Variants in KCNIP4 observed in about 807,000 individuals in gnomAD.
KCNIP4 encodes Kv channel-interacting protein 4.
In KCNIP4, 12 loss-of-function variants were observed where a neutral mutation model predicts 34.0. That is an observed-to-expected ratio of 0.35 (90% CI 0.23 to 0.57). The LOEUF is 0.57. Among genes scored for constraint, KCNIP4 ranks in the 20% least tolerant of loss-of-function variants. The probability of loss-of-function intolerance (pLI) is 0.83; values close to 1 mark genes in which losing one functional copy is unlikely to be tolerated. For synonymous variants in KCNIP4, 124 were observed against 102.2 expected (o/e 1.21, Z -1.29); for missense variants, 238 against 311.7 (o/e 0.76, Z 1.78).
intron 1 of KCNIP4, among the ~76,000 whole-genome samples, chr4:21,840,737 C>T (rs1159251844): frequency 6.6e-6 from 1 of 152,148 alleles, no homozygotes; most frequent in Non-Finnish European, 1.5e-5. Context: ...GAAACAAGCA[C>T]ATAAAATGCC....
At chr4:21,865,303 C>G (rs910591008) in intron 1 of KCNIP4, among the ~76,000 whole-genome samples, 2 of 133,832 alleles carry the variant, frequency 1.5e-5, no homozygotes, top group Non-Finnish European at 3.2e-5. Flanking sequence ...TAAAAACAAA[C>G]ACAAACAAAC....
At chr4:21,869,147 G>C (rs981355053) in intron 1 of KCNIP4, among the ~76,000 whole-genome samples, 19 of 152,024 alleles carry the variant, frequency 1.2e-4, no homozygotes, top group African/African-American at 4.6e-4. Flanking sequence ...CTGCACTGCT[G>C]CTATTATTTT....
At chr4:21,268,180 T>C (rs1180862029) in intron 1 of KCNIP4, among the ~76,000 whole-genome samples, 1 of 152,206 alleles carries the variant, frequency 6.6e-6, no homozygotes, top group Non-Finnish European at 1.5e-5. Flanking sequence ...TATCAATCTT[T>C]CTACATTAAC....
Position 21,944,321 on chromosome 4 carries a change from A to C in KCNIP4, c.61+4250T>G, listed in dbSNP as rs182147173. 1.2e-4 allele frequency among the ~76,000 whole-genome samples: 19 copies of C among 152,140 alleles called. No homozygotes were observed. The East Asian group carries it at 3.5e-3, about 28-fold the overall frequency. On this transcript the variant is annotated intron_variant, in intron 1 of 8. Transcript: ENST00000382152. ...CACTTTGGGAGGCCGAGGCAGGAGG[A>C]TCACTTGAGGTCAGGAGTTCAAAAC... is the stretch of plus-strand genomic sequence containing the variant.
intron 1 of KCNIP4, among the ~76,000 whole-genome samples, chr4:20,945,092 G>A (rs1732054489): frequency 6.6e-6 from 1 of 152,128 alleles, no homozygotes; most frequent in Non-Finnish European, 1.5e-5. Context: ...TGGTTCCAAT[G>A]TCTCACTCTC....
intron 3 of KCNIP4, among the ~76,000 whole-genome samples, chr4:20,829,554 C>CA (rs1330139875): frequency 1.3e-5 from 2 of 152,094 alleles, no homozygotes; most frequent in African/African-American, 4.8e-5. Flanking sequence ...TTTCAGGCCA[C>CA]AAAAATAAGA....
chr4:21,444,123 G>A (rs1056566803), intron 1 of KCNIP4, among the ~76,000 whole-genome samples: 97 of 152,190 alleles, frequency 6.4e-4, no homozygotes, highest in African/African-American at 2.1e-3. Flanking sequence ...TGAAATTGAG[G>A]CAATAATTAA....
Position 21,292,058 on chromosome 4 carries a change from T to G in KCNIP4, c.62-409349A>C, listed in dbSNP as rs543011132. Among the ~76,000 whole-genome samples the G allele has an allele frequency of 1.2e-4, 18 of 152,330 alleles. No homozygotes were observed. The East Asian group carries it at 2.9e-3, about 25-fold the overall frequency. On this transcript the variant is annotated intron_variant, in intron 1 of 8. Transcript: ENST00000382152. ...GTGAAGGCACAGTATATAAACACCT[T>G]TCAGGAATTCATCTGTTGCTTTAAG...
intron 3 of KCNIP4, among the ~76,000 whole-genome samples, chr4:20,786,059 C>T (rs1158046124): frequency 6.6e-6 from 1 of 152,010 alleles, no homozygotes; most frequent in African/African-American, 2.4e-5. Context: ...AGGTACCCAT[C>T]AATGGTGAAT....
intron 1 of KCNIP4, among the ~76,000 whole-genome samples, chr4:21,632,697 G>C (rs1001664116): frequency 6.6e-6 from 1 of 151,752 alleles, no homozygotes; most frequent in Admixed American, 6.6e-5. Context: ...GAAGTAATAG[G>C]AGCTACAAAC....
chr4:21,828,914 T>C (rs1349341438), intron 1 of KCNIP4, among the ~76,000 whole-genome samples: 1 of 151,856 alleles, frequency 6.6e-6, no homozygotes, highest in Non-Finnish European at 1.5e-5. Context: ...CAGTAAGAAA[T>C]GGTGATAAAT....
chr4:21,457,326 T>A (rs1243140682), intron 1 of KCNIP4, among the ~76,000 whole-genome samples: 2 of 152,016 alleles, frequency 1.3e-5, no homozygotes, highest in African/African-American at 4.8e-5. Context: ...CCCTTTCTCT[T>A]TACCTTCCTG....
intron 1 of KCNIP4, among the ~76,000 whole-genome samples, chr4:21,242,503 A>G (rs1395234981): frequency 1.3e-5 from 2 of 152,146 alleles, no homozygotes; most frequent in Non-Finnish European, 2.9e-5. Flanking sequence ...ATGCCTGTGA[A>G]GGTGTCTCCA....
intron 1 of KCNIP4, among the ~76,000 whole-genome samples, chr4:21,356,448 G>A (rs543373306): frequency 1.3e-5 from 2 of 152,274 alleles, no homozygotes; most frequent in African/African-American, 4.8e-5. Context: ...TCCTTAAGCT[G>A]ATAAGCAACT....
intron 1 of KCNIP4, chr4:21,697,340 A>AAAAAAC (rs1442294838): frequency 6.9e-7 from 1 of 1,449,834 alleles, no homozygotes; most frequent in African/African-American, 1.5e-5. Context: ...AAAAAAAAAA[A>AAAAAAC]AGTCATTACC....
chr4:21,031,772 A>T (rs573189786), intron 1 of KCNIP4, among the ~76,000 whole-genome samples: 15 of 152,336 alleles, frequency 9.8e-5, no homozygotes, highest in African/African-American at 3.6e-4. Context: ...CGAGTTATGT[A>T]GTCTGGTCCC....
At chr4:21,327,268 T>C (rs960263292) in intron 1 of KCNIP4, among the ~76,000 whole-genome samples, 4 of 152,132 alleles carry the variant, frequency 2.6e-5, no homozygotes, top group African/African-American at 9.6e-5. Flanking sequence ...GCTTTTGTTT[T>C]TCTGGGAAGG....
intron 3 of KCNIP4, among the ~76,000 whole-genome samples, chr4:20,816,291 C>A (rs912254197): frequency 6.6e-6 from 1 of 151,682 alleles, no homozygotes; most frequent in Non-Finnish European, 1.5e-5. Context: ...GAAGGCAGAG[C>A]CTTTCTCAAC....
At chr4:21,124,164 T>C (rs1346714718) in intron 1 of KCNIP4, among the ~76,000 whole-genome samples, 1 of 152,240 alleles carries the variant, frequency 6.6e-6, no homozygotes, top group African/African-American at 2.4e-5. Flanking sequence ...TGTATTTTCA[T>C]GGCTGCTCCT....
Sources: gnomAD v4.1 joint callset for allele counts (sites outside exome capture counted in the v4.1 genomes callset) on GRCh38, gnomAD v4.1.1 for gene constraint, MANE v1.5 for transcripts, NCBI Gene and HGNC (gene_info 2026-07-23, HGNC 2026-07-21) for gene names.